Variants in NTNG1 observed in about 807,000 individuals in gnomAD.
NTNG1 encodes the protein netrin G1, also known as netrin-G1.
Under a neutral mutation model 54.0 loss-of-function variants are expected in NTNG1, and 16 were observed. That is an observed-to-expected ratio of 0.30 (90% CI 0.20 to 0.45). NTNG1 has a LOEUF of 0.45. Ranked by LOEUF, NTNG1 falls within the 20% of genes least tolerant of loss-of-function variation. The probability of loss-of-function intolerance (pLI) is 1.00; values close to 1 mark genes in which losing one functional copy is unlikely to be tolerated. For synonymous variants in NTNG1, 255 were observed against 263.1 expected (o/e 0.97, Z 0.30); for missense variants, 530 against 678.7 (o/e 0.78, Z 2.43).
At chr1:107,395,129 A>G (rs538072900) in intron 3 of NTNG1, 25 bp from the exon 4 acceptor site, 1 of 1,600,406 alleles carries the variant, frequency 6.2e-7, no homozygotes, top group Non-Finnish European at 8.5e-7. Flanking sequence ...TCTGACAATG[A>G]ACTCTTTGTC....
chr1:107,253,655 T>C (rs1662753143), intron 2 of NTNG1, among the ~76,000 whole-genome samples: 1 of 152,228 alleles, frequency 6.6e-6, no homozygotes. Flanking sequence ...TTGTCTCAGG[T>C]CTTTAATGGC....
At chr1:107,227,008 G>A (rs1660731480) in intron 2 of NTNG1, among the ~76,000 whole-genome samples, 1 of 152,026 alleles carries the variant, frequency 6.6e-6, no homozygotes, top group Non-Finnish European at 1.5e-5. Flanking sequence ...AGTAATGGGC[G>A]AATACCCAGC....
chr1:107,362,232 G>T (rs1351947763), intron 3 of NTNG1, among the ~76,000 whole-genome samples: 1 of 152,122 alleles, frequency 6.6e-6, no homozygotes, highest in Non-Finnish European at 1.5e-5. Context: ...TAAAATAATT[G>T]CTATTTAAAA....
intron 3 of NTNG1, among the ~76,000 whole-genome samples, chr1:107,332,594 C>T (rs1668349094): frequency 6.6e-6 from 1 of 151,906 alleles, no homozygotes; most frequent in Non-Finnish European, 1.5e-5. Flanking sequence ...TTTCTTAACA[C>T]GTTAGGAGAT....
At position 107,324,865 on chromosome 1, in the gene NTNG1, A is replaced by G. The variant is rs1557900705; in HGVS notation, c.830A>G (p.Asp277Gly). 6.2e-7 allele frequency: 1 copy of G among 1,613,574 alleles called. No homozygotes were observed. Among genetic ancestry groups the G allele is most frequent in the Non-Finnish European group, 8.5e-7 (1 of 1,179,694 alleles). The change falls in exon 3 of 8, where the codon GAT becomes GGT. Residue 277 changes from aspartate (D) to glycine (G), a missense_variant. By Grantham distance (94) the Asp-to-Gly change is moderately conservative. Transcript: ENST00000370068. ...LRPAVGEIFV[D>G]ELHLARYFYA... ...CCAGCCGTTGGGGAAATATTTGTAG[A>G]TGAGCTACACTTGGCACGCTACTTT...
chr1:107,154,825 A>C (rs928513431), intron 2 of NTNG1, among the ~76,000 whole-genome samples: 1 of 151,860 alleles, frequency 6.6e-6, no homozygotes, highest in Non-Finnish European at 1.5e-5. Context: ...TATTAATTTA[A>C]GAGATACCAG....
At chr1:107,340,958 A>T (rs1445559994) in intron 3 of NTNG1, among the ~76,000 whole-genome samples, 1 of 152,064 alleles carries the variant, frequency 6.6e-6, no homozygotes, top group Non-Finnish European at 1.5e-5. Context: ...GGTTATTACC[A>T]TGAGGCTCAC....
intron 3 of NTNG1, among the ~76,000 whole-genome samples, chr1:107,352,157 G>A (rs1231812240): frequency 6.6e-6 from 1 of 152,194 alleles, no homozygotes; most frequent in African/African-American, 2.4e-5. Context: ...GCAAGCTGTT[G>A]GTGTATCTAC....
intron 2 of NTNG1, among the ~76,000 whole-genome samples, chr1:107,318,768 G>A (rs895810995): frequency 2.6e-5 from 4 of 152,140 alleles, no homozygotes; most frequent in African/African-American, 9.7e-5. Flanking sequence ...AAGGGGGACT[G>A]CTCTGTACTG....
chr1:107,435,590 C>A (rs947253621), intron 6 of NTNG1, among the ~76,000 whole-genome samples: 2 of 152,008 alleles, frequency 1.3e-5, no homozygotes, highest in Non-Finnish European at 2.9e-5. Flanking sequence ...TAAGGCTAAA[C>A]CCTGAATCCC....
chr1:107,301,185 TA>T (rs1666290560), intron 2 of NTNG1, among the ~76,000 whole-genome samples: 1 of 152,188 alleles, frequency 6.6e-6, no homozygotes, highest in Non-Finnish European at 1.5e-5. Context: ...ATGTAATGTT[TA>T]GATTTATTTT....
chr1:107,475,926 C>T (rs912352904), intron 7 of NTNG1, among the ~76,000 whole-genome samples: 1 of 152,186 alleles, frequency 6.6e-6, no homozygotes, highest in Admixed American at 6.5e-5. Context: ...GCAAAATCAT[C>T]CAGCGTTGAG....
intron 2 of NTNG1, among the ~76,000 whole-genome samples, chr1:107,228,839 C>T (rs936162735): frequency 2.0e-5 from 3 of 152,144 alleles, no homozygotes; most frequent in Non-Finnish European, 4.4e-5. Flanking sequence ...AACATATGAA[C>T]CAGGTAAGTG....
chr1:107,353,053 C>T (rs996051120), intron 3 of NTNG1, among the ~76,000 whole-genome samples: 1 of 152,220 alleles, frequency 6.6e-6, no homozygotes, highest in African/African-American at 2.4e-5. Context: ...CTCTGAAATG[C>T]CTTCAAGGCT....
chr1:107,323,127 G>C (rs1262509719), intron 2 of NTNG1, among the ~76,000 whole-genome samples: 1 of 149,340 alleles, frequency 6.7e-6, no homozygotes. Context: ...AGGAAAGAAA[G>C]AAAGAAACCT....
chr1:107,159,168 A>G (rs931493187), intron 2 of NTNG1, among the ~76,000 whole-genome samples: 9 of 152,160 alleles, frequency 5.9e-5, no homozygotes. Context: ...GTTGGTGGCC[A>G]ATATGCTAAT....
In NTNG1 at chr1:107,321,029, A is replaced by C. The variant is rs183123954; in HGVS notation, c.247-3253A>C. Reference sequence around the variant, plus strand: ...CTGATCATCTCCGGTGTAAATTGGGAATTGTTCTCAATCAGCTCAAATGTC... The same window carrying C: ...CTGATCATCTCCGGTGTAAATTGGGCATTGTTCTCAATCAGCTCAAATGTC... On this transcript the variant is annotated intron_variant, in intron 2 of 7. Transcript: ENST00000370068. Among the ~76,000 whole-genome samples, 198 of 152,222 alleles carry C rather than the reference A, an allele frequency of 1.3e-3. 1 individual carries two copies. The highest frequency in any genetic ancestry group is 4.6e-3 in the African/African-American group (193 of 41,570).
chr1:107,337,940 C>T (rs1185943958), intron 3 of NTNG1, among the ~76,000 whole-genome samples: 2 of 151,138 alleles, frequency 1.3e-5, no homozygotes, highest in East Asian at 3.9e-4. Context: ...TGTAGAGGAG[C>T]GGTGAAGCAC....
At chr1:107,406,365 A>G (rs1673417361) in intron 4 of NTNG1, among the ~76,000 whole-genome samples, 1 of 152,224 alleles carries the variant, frequency 6.6e-6, no homozygotes, top group Non-Finnish European at 1.5e-5. Flanking sequence ...GTGAAGAACA[A>G]GTCTGAACAA....
Sources: allele counts gnomAD v4.1 joint callset (sites outside exome capture counted in the v4.1 genomes callset), GRCh38; gene constraint gnomAD v4.1.1; transcripts MANE v1.5; gene names NCBI Gene and HGNC (gene_info 2026-07-23, HGNC 2026-07-21).